ZDHHC21: variants seen among roughly 807,000 people sequenced by gnomAD.
The protein encoded by ZDHHC21 is palmitoyltransferase ZDHHC21.
ZDHHC21 carries 15 observed loss-of-function variants against 34.6 expected under a neutral mutation model. That is an observed-to-expected ratio of 0.43 (90% CI 0.29 to 0.67). The LOEUF (loss-of-function observed/expected upper bound fraction) is 0.67. ZDHHC21 is among the 30% of genes least tolerant of loss of function. ZDHHC21 has a pLI of 0.14. For synonymous variants in ZDHHC21, 142 were observed against 101.8 expected (o/e 1.40, Z -2.38); for missense variants, 344 against 327.7 (o/e 1.05, Z -0.38).
At chr9:14,686,880 C>A (rs1017298477) in intron 2 of ZDHHC21, among the ~76,000 whole-genome samples, 6 of 149,366 alleles carry the variant, frequency 4.0e-5, no homozygotes, top group African/African-American at 1.5e-4. Context: ...GGTTAAGGCA[C>A]GAGAATCGTT....
intron 8 of ZDHHC21, among the ~76,000 whole-genome samples, chr9:14,632,863 G>A (rs1022338742): frequency 2.0e-5 from 3 of 152,064 alleles, no homozygotes; most frequent in African/African-American, 7.2e-5. Context: ...CCAGGGAAAT[G>A]CAAATTAAAA....
intron 8 of ZDHHC21, among the ~76,000 whole-genome samples, chr9:14,631,057 T>A (rs1827256650): frequency 1.3e-5 from 2 of 152,218 alleles, no homozygotes; most frequent in South Asian, 4.1e-4. Flanking sequence ...GTCCTGTACC[T>A]TGAAGCTTTG....
intron 7 of ZDHHC21, among the ~76,000 whole-genome samples, chr9:14,658,487 T>C (rs1260061466): frequency 4.3e-5 from 6 of 139,940 alleles, no homozygotes; most frequent in Admixed American, 2.2e-4. Context: ...TTTTTTTTTT[T>C]TTTGAGACGG....
intron 8 of ZDHHC21, chr9:14,622,489 G>C (rs1227373730): frequency 1.0e-6 from 1 of 980,280 alleles, no homozygotes; most frequent in Non-Finnish European, 1.2e-6. Context: ...GGTTGCAGGG[G>C]GGTGGGATAA....
chr9:14,592,873 C>T, the ZDHHC21 span, among the ~76,000 whole-genome samples: 1 of 152,126 alleles, frequency 6.6e-6, no homozygotes, highest in Non-Finnish European at 1.5e-5. Context: ...AAATTTGAGA[C>T]ATCTCCACAT....
intron 8 of ZDHHC21, among the ~76,000 whole-genome samples, chr9:14,629,986 C>T (rs896843063): frequency 6.6e-6 from 1 of 152,138 alleles, no homozygotes; most frequent in Non-Finnish European, 1.5e-5. Flanking sequence ...ACAGAGGTTG[C>T]AGTGAGCCGA....
intron 7 of ZDHHC21, among the ~76,000 whole-genome samples, chr9:14,647,917 C>A (rs987507435): frequency 6.6e-6 from 1 of 152,098 alleles, no homozygotes; most frequent in Non-Finnish European, 1.5e-5. Flanking sequence ...TTATCTAGCT[C>A]AGACCACCCC....
chr9:14,692,055 T>C (rs1316919914), intron 1 of ZDHHC21, among the ~76,000 whole-genome samples: 2 of 152,192 alleles, frequency 1.3e-5, no homozygotes, highest in Non-Finnish European at 2.9e-5. Flanking sequence ...ACACCAAATC[T>C]CATTTGGCTC....
At chr9:14,622,179 C>T (rs1374331321) in intron 8 of ZDHHC21, among the ~76,000 whole-genome samples, 2 of 152,040 alleles carry the variant, frequency 1.3e-5, no homozygotes, top group Non-Finnish European at 2.9e-5. Flanking sequence ...CCTCAGTCTA[C>T]ATGACCAAGA....
chr9:14,628,073 C>T (rs535938442), intron 8 of ZDHHC21, among the ~76,000 whole-genome samples: 2 of 152,194 alleles, frequency 1.3e-5, no homozygotes, highest in East Asian at 1.9e-4. Context: ...CGCACAAAAA[C>T]GTATATTTAA....
intron 7 of ZDHHC21, among the ~76,000 whole-genome samples, chr9:14,644,819 T>TACACAC (rs527554683): frequency 7.0e-6 from 1 of 142,742 alleles, no homozygotes; most frequent in African/African-American, 2.6e-5. Context: ...TACATATGTA[T>TACACAC]ACACACACAC....
chr9:14,604,693 C>G, the ZDHHC21 span, among the ~76,000 whole-genome samples: 1 of 152,108 alleles, frequency 6.6e-6, no homozygotes, highest in Non-Finnish European at 1.5e-5. Flanking sequence ...CTTCACATTA[C>G]TTTTTATTGT....
At chr9:14,601,745 C>G in the ZDHHC21 span, among the ~76,000 whole-genome samples, 5 of 152,066 alleles carry the variant, frequency 3.3e-5, no homozygotes, top group Non-Finnish European at 4.4e-5. Flanking sequence ...ATGAACCAAC[C>G]CAGTTGTGCA....
the ZDHHC21 span, among the ~76,000 whole-genome samples, chr9:14,600,345 A>G: frequency 6.6e-6 from 1 of 152,318 alleles, no homozygotes; most frequent in Non-Finnish European, 1.5e-5. Context: ...AGTCCCAAGT[A>G]TTCCTACCCA....
intron 5 of ZDHHC21, among the ~76,000 whole-genome samples, chr9:14,668,551 C>A (rs9722855): frequency 6.7e-6 from 1 of 149,304 alleles, no homozygotes; most frequent in African/African-American, 2.5e-5. Flanking sequence ...CAAGTCAATC[C>A]TAAGCCAAAA....
At chr9:14,670,089 G>A (rs1021174948) in intron 5 of ZDHHC21, among the ~76,000 whole-genome samples, 43 of 143,882 alleles carry the variant, frequency 3.0e-4, no homozygotes, top group Non-Finnish European at 6.1e-4. Flanking sequence ...AGACAGGAAG[G>A]AGGCGCTCCA....
At position 14,640,856 on chromosome 9, in the gene ZDHHC21, C is replaced by T. The variant is rs142268130; in HGVS notation, c.505-844G>A. 4.6e-5 allele frequency among the ~76,000 whole-genome samples: 7 copies of T among 152,246 alleles called. No homozygotes were observed. In the East Asian group the frequency reaches 1.3e-3, roughly 29 times the overall value. On this transcript the variant is annotated intron_variant, in intron 7 of 9. Coordinates refer to ENST00000380916, the MANE Select transcript of ZDHHC21 (RefSeq NM_178566.6). Reference sequence around the variant, plus strand: ...GGGTCCTAAAAGTAAACCAAAGACACTGTGGTGGGAAGACAGAAAAACAAA... The same window carrying T: ...GGGTCCTAAAAGTAAACCAAAGACATTGTGGTGGGAAGACAGAAAAACAAA...
intron 5 of ZDHHC21, among the ~76,000 whole-genome samples, chr9:14,670,028 A>T (rs1835171920): frequency 6.6e-6 from 1 of 151,958 alleles, no homozygotes; most frequent in Non-Finnish European, 1.5e-5. Flanking sequence ...AACAAAAAAA[A>T]ACAAAACAAA....
At chr9:14,624,913 C>T (rs568482913) in intron 8 of ZDHHC21, among the ~76,000 whole-genome samples, 2 of 151,990 alleles carry the variant, frequency 1.3e-5, no homozygotes, top group Non-Finnish European at 2.9e-5. Context: ...TACCCCATAA[C>T]TATGTACAAT....
Sources: allele counts gnomAD v4.1 joint callset (sites outside exome capture counted in the v4.1 genomes callset), GRCh38; gene constraint gnomAD v4.1.1; transcripts MANE v1.5; gene names NCBI Gene and HGNC (gene_info 2026-07-23, HGNC 2026-07-21).